Variants in GRIN2B observed in about 807,000 individuals in gnomAD.
GRIN2B encodes the protein glutamate ionotropic receptor NMDA type subunit 2B.
Under a neutral mutation model 114.5 loss-of-function variants are expected in GRIN2B, and 5 were observed. That is an observed-to-expected ratio of 0.04 (90% CI 0.02 to 0.09). The LOEUF (loss-of-function observed/expected upper bound fraction) is 0.09, where lower values mean the gene tolerates loss of function less well. Ranked by LOEUF, GRIN2B falls within the 10% of genes least tolerant of loss-of-function variation. The pLI is 1.00. For synonymous variants in GRIN2B, 787 were observed against 745.1 expected, an observed-to-expected ratio of 1.06 and a Z score of -0.92; for missense variants, 1,108 against 1,943.5, an observed-to-expected ratio of 0.57 and a Z score of 8.08.
intron 2 of GRIN2B, among the ~76,000 whole-genome samples, chr12:13,878,755 G>T (rs1866028517): frequency 1.3e-5 from 2 of 152,180 alleles, no homozygotes; most frequent in African/African-American, 4.8e-5. Flanking sequence ...GTCTCCAGGT[G>T]CCTGGTCCTC....
chr12:13,654,593 C>A (rs751430876), intron 5 of GRIN2B, among the ~76,000 whole-genome samples: 1 of 152,088 alleles, frequency 6.6e-6, no homozygotes, highest in Non-Finnish European at 1.5e-5. Context: ...GCTGCCAATG[C>A]GTCAAATGGT....
At chr12:13,713,415 C>A (rs1268534086) in intron 4 of GRIN2B, among the ~76,000 whole-genome samples, 2 of 151,878 alleles carry the variant, frequency 1.3e-5, no homozygotes, top group Non-Finnish European at 2.9e-5. Context: ...CGAAGACAGG[C>A]AGTATGACTC....
At chr12:13,665,079 G>A (rs1385753260) in intron 5 of GRIN2B, among the ~76,000 whole-genome samples, 1 of 151,994 alleles carries the variant, frequency 6.6e-6, no homozygotes, top group Non-Finnish European at 1.5e-5. Context: ...AAAGAAACAT[G>A]TTCTTTCCTC....
At chr12:13,920,595 T>A (rs1222360920) in intron 2 of GRIN2B, among the ~76,000 whole-genome samples, 1 of 152,118 alleles carries the variant, frequency 6.6e-6, no homozygotes, top group Non-Finnish European at 1.5e-5. Flanking sequence ...AAGTTCCTGG[T>A]TAGATCCCAG....
At chr12:13,776,457 A>G (rs1735717327) in intron 3 of GRIN2B, among the ~76,000 whole-genome samples, 1 of 152,218 alleles carries the variant, frequency 6.6e-6, no homozygotes, top group South Asian at 2.1e-4. Context: ...CATTTTATAA[A>G]TTGGGAAATT....
rs544607638 is a variant in GRIN2B, at chr12:13,542,278, G to A, written c.*20505C>T. ...TTTTTAAAGATGAACAAGGAGTAAG[G>A]TAAGTAAGAACAAATAATTATGACC... On this transcript the variant is annotated 3_prime_UTR_variant, in exon 14 of 14. Transcript: ENST00000609686. 1 of 152,062 alleles carries A rather than the reference G, an allele frequency of 6.6e-6. No individual in the cohort carries two copies. Among genetic ancestry groups the A allele is most frequent in the East Asian group, 1.9e-4 (1 of 5,174 alleles). 9.4% of individuals were successfully genotyped at this position (152,062 alleles called of 1,614,324 possible).
At chr12:13,575,697 T>C (rs1056606995) in intron 10 of GRIN2B, among the ~76,000 whole-genome samples, 1 of 146,832 alleles carries the variant, frequency 6.8e-6, no homozygotes, top group Non-Finnish European at 1.5e-5. Context: ...ATAATAATAA[T>C]CAAAATAATC....
chr12:13,660,405 C>G (rs1949910485), intron 5 of GRIN2B, among the ~76,000 whole-genome samples: 1 of 152,152 alleles, frequency 6.6e-6, no homozygotes, highest in African/African-American at 2.4e-5. Flanking sequence ...CCTCTTAGCA[C>G]CCAGCACAGA....
intron 2 of GRIN2B, among the ~76,000 whole-genome samples, chr12:13,906,974 T>C (rs1866546700): frequency 6.6e-6 from 1 of 152,242 alleles, no homozygotes; most frequent in Admixed American, 6.5e-5. Flanking sequence ...TAGTTAAAAC[T>C]ATGCAGATTA....
chr12:13,883,958 T>A (rs761102102), intron 2 of GRIN2B, among the ~76,000 whole-genome samples: 1 of 152,178 alleles, frequency 6.6e-6, no homozygotes, highest in Non-Finnish European at 1.5e-5. Context: ...AGTTTATTAA[T>A]CACTTTACAT....
intron 4 of GRIN2B, among the ~76,000 whole-genome samples, chr12:13,741,572 T>C (rs954293662): frequency 6.6e-6 from 1 of 152,166 alleles, no homozygotes; most frequent in Non-Finnish European, 1.5e-5. Flanking sequence ...TTTTATTTTT[T>C]TGAGACAGGG....
At chr12:13,762,594 G>A (rs1468527245) in intron 3 of GRIN2B, among the ~76,000 whole-genome samples, 7 of 152,212 alleles carry the variant, frequency 4.6e-5, no homozygotes, top group Admixed American at 4.6e-4. Flanking sequence ...GGGTAGAAAA[G>A]GCATTTTATA....
intron 13 of GRIN2B, 50 bp downstream of exon 13, chr12:13,566,975 A>C: frequency 7.9e-7 from 1 of 1,265,014 alleles, no homozygotes; most frequent in Non-Finnish European, 1.2e-6. Context: ...GCACAGTGCT[A>C]GGCTAAGCTG....
At chr12:13,720,908 T>A (rs1350904739) in intron 4 of GRIN2B, among the ~76,000 whole-genome samples, 1 of 152,112 alleles carries the variant, frequency 6.6e-6, no homozygotes, top group African/African-American at 2.4e-5. Context: ...ACACAGATCT[T>A]GGACTCATGA....
chr12:13,661,242 T>C (rs928684655), intron 5 of GRIN2B, among the ~76,000 whole-genome samples: 10 of 152,176 alleles, frequency 6.6e-5, no homozygotes, highest in Non-Finnish European at 1.3e-4. Context: ...TCAGTTAGGA[T>C]TATTTGTTAC....
intron 3 of GRIN2B, among the ~76,000 whole-genome samples, chr12:13,801,711 GA>G (rs1467147166): frequency 6.6e-6 from 1 of 152,128 alleles, no homozygotes; most frequent in Non-Finnish European, 1.5e-5. Context: ...CAGAACCAAA[GA>G]AAAGCAGCCC....
intron 2 of GRIN2B, among the ~76,000 whole-genome samples, chr12:13,969,696 T>G (rs967976953): frequency 1.3e-5 from 2 of 152,238 alleles, no homozygotes; most frequent in African/African-American, 2.4e-5. Flanking sequence ...CTCACTCCTT[T>G]TCCTAATCTC....
chr12:13,803,126 AGTAGCTTACTTT>A (rs1257266476), intron 3 of GRIN2B, among the ~76,000 whole-genome samples: 1 of 152,174 alleles, frequency 6.6e-6, no homozygotes, highest in East Asian at 1.9e-4. Context: ...TTTTGTTTTC[AGTAGCTTACTTT>A]ATTGTAGGGA....
chr12:13,639,424 G>A (rs1275360010), intron 5 of GRIN2B, among the ~76,000 whole-genome samples: 1 of 152,122 alleles, frequency 6.6e-6, no homozygotes, highest in East Asian at 1.9e-4. Flanking sequence ...AGCAGTCCCT[G>A]TGTTAATAGC....
Sources: gnomAD v4.1 joint callset for allele counts (sites outside exome capture counted in the v4.1 genomes callset) on GRCh38, gnomAD v4.1.1 for gene constraint, MANE v1.5 for transcripts, NCBI Gene and HGNC (gene_info 2026-07-23, HGNC 2026-07-21) for gene names.